Variants in CDH18 observed in about 807,000 individuals in gnomAD.
The protein encoded by CDH18 is cadherin-18.
Under a neutral mutation model 67.9 loss-of-function variants are expected in CDH18, and 31 were observed. That is an observed-to-expected ratio of 0.46 (90% confidence interval 0.34 to 0.62). The LOEUF (loss-of-function observed/expected upper bound fraction) is 0.62, where lower values mean the gene tolerates loss of function less well. Among genes scored for constraint, CDH18 ranks in the 20% least tolerant of loss-of-function variants. CDH18 has a pLI of 0.01. For missense variants in CDH18, 890 were observed against 975.5 expected, an observed-to-expected ratio of 0.91 and a Z score of 1.17; for synonymous variants, 362 against 347.2, an observed-to-expected ratio of 1.04 and a Z score of -0.48.
upstream of CDH18, chr5:19,992,017 C>CAAAAAA (rs775034313): frequency 2.9e-4 from 14 of 47,492 alleles, no homozygotes; most frequent in South Asian, 6.8e-4. Flanking sequence ...GATTCCATCT[C>CAAAAAA]AAAAAAAAAA....
At chr5:20,343,099 C>A (rs1234876481) in intron 1 of CDH18, among the ~76,000 whole-genome samples, 2 of 152,128 alleles carry the variant, frequency 1.3e-5, no homozygotes, top group Non-Finnish European at 2.9e-5. Context: ...TAATTGGATC[C>A]CGAGGTGGCA....
At chr5:20,344,229 G>A (rs763923938) in intron 1 of CDH18, among the ~76,000 whole-genome samples, 4 of 152,062 alleles carry the variant, frequency 2.6e-5, no homozygotes, top group Admixed American at 6.6e-5. Flanking sequence ...GTTCTCAGGT[G>A]AAAATCTGCT....
intron 11 of CDH18, among the ~76,000 whole-genome samples, chr5:19,502,211 T>G (rs1743364631): frequency 6.6e-6 from 1 of 152,182 alleles, no homozygotes; most frequent in Non-Finnish European, 1.5e-5. Flanking sequence ...CTGCATGTGA[T>G]TCTGAGGCAA....
chr5:20,095,222 G>A (rs1745788414), intron 2 of CDH18, among the ~76,000 whole-genome samples: 1 of 150,724 alleles, frequency 6.6e-6, no homozygotes, highest in Non-Finnish European at 1.5e-5. Context: ...GTTGATGGGT[G>A]CAGCAAACGA....
chr5:19,508,119 T>A (rs1284365871), intron 10 of CDH18, among the ~76,000 whole-genome samples: 7 of 152,068 alleles, frequency 4.6e-5, no homozygotes, highest in Admixed American at 4.6e-4. Flanking sequence ...TGCTGTAATA[T>A]TTGCTTGGTC....
rs758986741 is a variant in CDH18 at position 19,473,294 on chromosome 5, C to A, written c.2305G>T (p.Asp769Tyr). The change falls in exon 13 of 13, where the codon GAC becomes TAC. Residue 769 changes from aspartate to tyrosine, a missense_variant. By Grantham distance (160) the Asp-to-Tyr change is radical. This residue lies in a region of CDH18 where 656 missense variants were observed against 668.1 expected (regional missense o/e 0.98). Transcript: ENST00000382275. ...AACTTTTTAAACTCGGGTCCCCAGT[C>A]TCCAAGGTAGTGATAATCCTGGTCT... is the stretch of plus-strand genomic sequence containing the variant. ...QSDQDYHYLG[D>Y]WGPEFKKLAE... is the part of the protein sequence containing the mutation. 1.2e-6 allele frequency: 2 copies of A among 1,613,802 alleles called. No individual in the cohort carries two copies. Among genetic ancestry groups the A allele is most frequent in the Admixed American group, 1.7e-5 (1 of 59,932 alleles).
chr5:20,427,475 T>C (rs1408239305), intron 1 of CDH18, among the ~76,000 whole-genome samples: 1 of 151,318 alleles, frequency 6.6e-6, no homozygotes, highest in Non-Finnish European at 1.5e-5. Context: ...ACTGAATATA[T>C]AATTCAAGCA....
chr5:19,944,552 T>C (rs1007961347), intron 2 of CDH18, among the ~76,000 whole-genome samples: 1 of 152,160 alleles, frequency 6.6e-6, no homozygotes, highest in Non-Finnish European at 1.5e-5. Context: ...TTGTACTTTA[T>C]GATAGTAGTT....
At chr5:19,574,846 G>A (rs941691867) in intron 7 of CDH18, among the ~76,000 whole-genome samples, 3 of 151,990 alleles carry the variant, frequency 2.0e-5, no homozygotes, top group East Asian at 1.9e-4. Context: ...GTCGACCATC[G>A]TGGCTAACAC....
chr5:20,208,337 T>G (rs962571852), intron 2 of CDH18, among the ~76,000 whole-genome samples: 7 of 152,130 alleles, frequency 4.6e-5, no homozygotes, highest in Admixed American at 2.0e-4. Flanking sequence ...TCAATTGCCT[T>G]TCACCAGGTC....
intron 5 of CDH18, among the ~76,000 whole-genome samples, chr5:19,714,621 T>C (rs1313841489): frequency 3.0e-4 from 46 of 152,018 alleles, no homozygotes; most frequent in Admixed American, 3.0e-3. Context: ...TTGTCTGTTG[T>C]CTGAGAATAT....
chr5:20,095,163 G>A (rs1745781313), intron 2 of CDH18, among the ~76,000 whole-genome samples: 1 of 151,730 alleles, frequency 6.6e-6, no homozygotes, highest in South Asian at 2.1e-4. Context: ...CGGGGGATGA[G>A]GGGCAAGGGA....
chr5:20,289,533 C>G (rs1440642345), intron 1 of CDH18, among the ~76,000 whole-genome samples: 1 of 151,880 alleles, frequency 6.6e-6, no homozygotes, highest in Non-Finnish European at 1.5e-5. Flanking sequence ...AGGTGACAGA[C>G]TAAATATTTA....
At chr5:20,256,145 G>A (rs146621477) in intron 1 of CDH18, among the ~76,000 whole-genome samples, 33 of 151,820 alleles carry the variant, frequency 2.2e-4, no homozygotes, top group Middle Eastern at 3.4e-3. Flanking sequence ...TATACATTAC[G>A]TGCATTATAC....
intron 2 of CDH18, among the ~76,000 whole-genome samples, chr5:20,127,462 G>A (rs1457502757): frequency 6.6e-6 from 1 of 151,958 alleles, no homozygotes; most frequent in Non-Finnish European, 1.5e-5. Context: ...GTGGATGAAT[G>A]GAAATAGAAA....
intron 3 of CDH18, among the ~76,000 whole-genome samples, chr5:19,758,254 G>T (rs547068453): frequency 3.3e-5 from 5 of 152,292 alleles, no homozygotes; most frequent in African/African-American, 1.2e-4. Flanking sequence ...AGTACAGGTC[G>T]CATGGTGACT....
At chr5:20,023,549 C>T (rs951540126) in intron 2 of CDH18, among the ~76,000 whole-genome samples, 2 of 150,978 alleles carry the variant, frequency 1.3e-5, no homozygotes, top group Non-Finnish European at 2.9e-5. Context: ...CTCCCAGCTA[C>T]TCGGGAGGCT....
At chr5:20,504,200 G>T (rs888974248) in intron 1 of CDH18, among the ~76,000 whole-genome samples, 12 of 152,008 alleles carry the variant, frequency 7.9e-5, no homozygotes, top group Admixed American at 2.6e-4. Flanking sequence ...TAAGTCTAAG[G>T]ATTAGGTCAT....
intron 2 of CDH18, among the ~76,000 whole-genome samples, chr5:20,000,255 A>T (rs1290977233): frequency 6.6e-6 from 1 of 152,218 alleles, no homozygotes; most frequent in Non-Finnish European, 1.5e-5. Flanking sequence ...TGAATACACA[A>T]TGGTTGATTA....
Sources: gnomAD v4.1 joint callset for allele counts (sites outside exome capture counted in the v4.1 genomes callset) on GRCh38, gnomAD v4.1.1 for gene constraint, gnomAD v4.1.1 regional missense constraint, MANE v1.5 for transcripts, NCBI Gene and HGNC (gene_info 2026-07-23, HGNC 2026-07-21) for gene names.